Variants in MPP7 observed in about 807,000 individuals in gnomAD.
MPP7 encodes MAGUK p55 subfamily member 7.
A neutral mutation model predicts 76.5 loss-of-function variants in MPP7; 60 were observed. That is an observed-to-expected ratio of 0.78 (90% CI 0.64 to 0.97). The LOEUF is 0.97. MPP7 is among the 50% of genes least tolerant of loss of function. The pLI, the probability that MPP7 is intolerant of heterozygous loss-of-function variation, is 0.00. For missense variants in MPP7, 641 were observed against 694.0 expected (o/e 0.92, Z 0.86); for synonymous variants, 237 against 244.5 (o/e 0.97, Z 0.29).
At chr10:28,210,826 A>T (rs992992823) in intron 2 of MPP7, among the ~76,000 whole-genome samples, 2 of 152,206 alleles carry the variant, frequency 1.3e-5, no homozygotes, top group African/African-American at 4.8e-5. Flanking sequence ...TCACTCTGTG[A>T]GCCGGTTCAT....
rs1851450021 is a variant in MPP7, at chr10:28,053,991, A to G, written c.*74T>C. 1 of 1,138,436 alleles carries G rather than the reference A, an allele frequency of 8.8e-7. No homozygotes were observed. Among genetic ancestry groups the G allele is most frequent in the African/African-American group, 1.6e-5 (1 of 63,906 alleles). 70.5% of individuals were successfully genotyped at this position (1,138,436 alleles called of 1,614,324 possible). On this transcript the variant is annotated 3_prime_UTR_variant, in exon 17 of 17. Transcript: ENST00000683449. ...CTATGACAGTGATATAGATTTAAAA[A>G]CCCTACTACCAAAACTGTAATTGAT...
intron 12 of MPP7, among the ~76,000 whole-genome samples, chr10:28,077,251 C>T (rs1034571818): frequency 6.6e-6 from 1 of 152,122 alleles, no homozygotes; most frequent in Non-Finnish European, 1.5e-5. Context: ...AGCAAGCTCA[C>T]GACACCCATG....
chr10:28,319,179 G>A (rs539040752), intron 2 of MPP7, among the ~76,000 whole-genome samples: 9 of 152,282 alleles, frequency 5.9e-5, no homozygotes, highest in African/African-American at 1.7e-4. Context: ...AGGAGGAAGA[G>A]GGTGAAGGGG....
intron 12 of MPP7, among the ~76,000 whole-genome samples, chr10:28,077,744 A>G (rs556045555): frequency 6.6e-6 from 1 of 152,352 alleles, no homozygotes; most frequent in South Asian, 2.1e-4. Flanking sequence ...ATACACTTAC[A>G]CGGGCACATA....
At chr10:28,287,567 G>A (rs1418566574) in intron 1 of MPP7, among the ~76,000 whole-genome samples, 3 of 152,040 alleles carry the variant, frequency 2.0e-5, no homozygotes, top group Non-Finnish European at 2.9e-5. Context: ...CTGGCTCATG[G>A]AAATAAATGT....
chr10:28,057,224 G>C (rs1851589591), intron 15 of MPP7, among the ~76,000 whole-genome samples: 1 of 152,202 alleles, frequency 6.6e-6, no homozygotes, highest in Non-Finnish European at 1.5e-5. Context: ...GCATAAGCAG[G>C]ACTGTCCCAT....
chr10:28,161,333 C>T (rs998273553), intron 3 of MPP7, among the ~76,000 whole-genome samples: 12 of 152,010 alleles, frequency 7.9e-5, no homozygotes, highest in Admixed American at 6.6e-4. Flanking sequence ...CAAAAAACAG[C>T]GTTCCCCACC....
intron 1 of MPP7, among the ~76,000 whole-genome samples, chr10:28,269,525 CT>C (rs111580419): frequency 0.13 from 17,862 of 138,982 alleles, 1,598 homozygotes; most frequent in East Asian, 0.41. Context: ...TTGTTTTTAT[CT>C]TTTTTTTTTT....
intron 1 of MPP7, among the ~76,000 whole-genome samples, chr10:28,249,812 C>T (rs1839554806): frequency 6.6e-6 from 1 of 152,110 alleles, no homozygotes; most frequent in African/African-American, 2.4e-5. Context: ...GTGGGAGGAG[C>T]CTAGCCCACT....
At chr10:28,087,055 G>A (rs1047469938) in intron 12 of MPP7, among the ~76,000 whole-genome samples, 1 of 152,182 alleles carries the variant, frequency 6.6e-6, no homozygotes, top group East Asian at 1.9e-4. Context: ...CCCAAGGAGA[G>A]GTGTTTGGGT....
intron 12 of MPP7, among the ~76,000 whole-genome samples, chr10:28,085,220 C>A (rs1852947624): frequency 6.6e-6 from 1 of 152,168 alleles, no homozygotes; most frequent in Non-Finnish European, 1.5e-5. Context: ...TGAATCGGTT[C>A]TGTAACTTAA....
chr10:28,251,023 A>C (rs1442071163), intron 1 of MPP7, among the ~76,000 whole-genome samples: 1 of 152,232 alleles, frequency 6.6e-6, no homozygotes, highest in Non-Finnish European at 1.5e-5. Context: ...AACAAAGGCA[A>C]CTTTCACAAG....
chr10:28,317,388 G>A (rs539500002), intron 2 of MPP7, among the ~76,000 whole-genome samples: 6 of 152,164 alleles, frequency 3.9e-5, no homozygotes, highest in East Asian at 1.9e-4. Context: ...ATAAATAGCC[G>A]GGTGTGGTGG....
intron 6 of MPP7, among the ~76,000 whole-genome samples, chr10:28,125,465 G>A (rs533198634): frequency 1.3e-3 from 202 of 151,860 alleles, no homozygotes; most frequent in Non-Finnish European, 2.5e-3. Context: ...TTATAGTACC[G>A]CATCAAGAAA....
chr10:28,091,022 A>G (rs562509983), intron 11 of MPP7, among the ~76,000 whole-genome samples: 4 of 152,058 alleles, frequency 2.6e-5, no homozygotes, highest in Admixed American at 6.6e-5. Flanking sequence ...TGGTGCACAC[A>G]TGTAATCTCA....
intron 1 of MPP7, among the ~76,000 whole-genome samples, chr10:28,275,892 A>C (rs937840854): frequency 1.3e-5 from 2 of 152,034 alleles, no homozygotes; most frequent in Non-Finnish European, 2.9e-5. Context: ...AAGTTAAAAA[A>C]TTGTGGATAT....
intron 1 of MPP7, among the ~76,000 whole-genome samples, chr10:28,253,011 G>A (rs1277369899): frequency 6.6e-6 from 1 of 151,960 alleles, no homozygotes; most frequent in African/African-American, 2.4e-5. Flanking sequence ...TGGTTCAAGC[G>A]ATTCTCCTTC....
chr10:28,076,644 T>G (rs1852496903), intron 12 of MPP7, among the ~76,000 whole-genome samples: 1 of 152,082 alleles, frequency 6.6e-6, no homozygotes, highest in Admixed American at 6.5e-5. Flanking sequence ...TCCCAGCACT[T>G]TGGGAGGCCA....
At chr10:28,290,528 A>G (rs1372761236) in intron 1 of MPP7, among the ~76,000 whole-genome samples, 1 of 152,118 alleles carries the variant, frequency 6.6e-6, no homozygotes, top group African/African-American at 2.4e-5. Flanking sequence ...GCTGGAGTGC[A>G]ATGGCACAAT....
Sources: allele counts gnomAD v4.1 joint callset (sites outside exome capture counted in the v4.1 genomes callset), GRCh38; gene constraint gnomAD v4.1.1; transcripts MANE v1.5; gene names NCBI Gene and HGNC (gene_info 2026-07-23, HGNC 2026-07-21).